ITGAM: variants seen among roughly 807,000 people sequenced by gnomAD.
ITGAM encodes integrin subunit alpha M.
Under a neutral mutation model 137.5 loss-of-function variants are expected in ITGAM, and 79 were observed. The ratio of observed to expected loss-of-function variants is 0.57; its 90% confidence interval spans 0.48 to 0.69. ITGAM has a LOEUF of 0.69. ITGAM is among the 30% of genes least tolerant of loss of function. The pLI is 0.00. For synonymous variants in ITGAM, 583 were observed against 592.3 expected (o/e 0.98, Z 0.23); for missense variants, 1,343 against 1,483.5 (o/e 0.91, Z 1.56).
Position 31,331,896 on chromosome 16 carries a change from T to G in ITGAM, c.*189T>G, listed in dbSNP as rs201337283. 1 of 162,768 alleles carries G rather than the reference T, an allele frequency of 6.1e-6. No individual in the cohort carries two copies. Among genetic ancestry groups the G allele is most frequent in the Non-Finnish European group, 1.3e-5 (1 of 76,314 alleles). The allele number at this position is 162,768 out of a possible 1,614,324, so 10.1% of individuals were successfully genotyped here. ...GTGTCTGTGTGCAAGTGTGTGCACA[T>G]GTGTGCGTGTGCGTGCATGTGCACT... On this transcript the variant is annotated 3_prime_UTR_variant, in exon 30 of 30. Transcript: ENST00000544665.
intron 12 of ITGAM, among the ~76,000 whole-genome samples, chr16:31,294,384 C>G (rs749470325): frequency 3.0e-4 from 45 of 152,094 alleles, no homozygotes; most frequent in Non-Finnish European, 5.3e-4. Flanking sequence ...GTAGATGGCT[C>G]TTATTATTTT....
In ITGAM at chr16:31,331,790, G is replaced by C; in HGVS notation, c.*83G>C. On this transcript the variant is annotated 3_prime_UTR_variant, in exon 30 of 30. Transcript: ENST00000544665. ...ACGTAGCCCCCAGGCTGCTGGACAC[G>C]TCGGACAGCGAAGTATCCCCGACAG... The C allele has an allele frequency of 9.2e-7, 1 of 1,091,898 alleles. No homozygotes were observed. The highest frequency in any genetic ancestry group is 1.3e-6 in the Non-Finnish European group (1 of 759,684). The allele number at this position is 1,091,898 out of a possible 1,614,324, so 67.6% of individuals were successfully genotyped here. A position where few individuals can be genotyped will look rare whatever the true frequency, so the allele number is the denominator to read the frequency against.
chr16:31,271,768 A>T (rs2079842636), intron 6 of ITGAM, 79 bp from the exon 7 acceptor site: 6 of 1,554,282 alleles, frequency 3.9e-6, no homozygotes, highest in Non-Finnish European at 2.6e-6. Context: ...AGTGTTTAAG[A>T]TCTTCGTGGA....
intron 2 of ITGAM, among the ~76,000 whole-genome samples, chr16:31,264,939 C>T (rs2079746839): frequency 6.6e-6 from 1 of 152,164 alleles, no homozygotes; most frequent in South Asian, 2.1e-4. Flanking sequence ...GCTATCTCGG[C>T]TCACTGCAAC....
At chr16:31,275,823 T>C in intron 9 of ITGAM, 124 bp downstream of exon 9, 1 of 830,080 alleles carries the variant, frequency 1.2e-6, no homozygotes, top group Non-Finnish European at 1.9e-6. Context: ...TCTCTCCACT[T>C]CCTACAGCTC....
chr16:31,327,090 T>G, intron 22 of ITGAM, 155 bp downstream of exon 22: 1 of 699,550 alleles, frequency 1.4e-6, no homozygotes, highest in East Asian at 2.5e-5. Context: ...GTGCTGGGCC[T>G]TGTGCTGAGT....
rs758506992 is a variant in ITGAM, at chr16:31,324,102, AAAGG to A, written c.2003-285_2003-282del. ...AAGTAGGAAAGGAAGGAAAGGAAGA[AAAGG>A]AAGGAAGGAAGAAGGGAAGGAAGGA... On this transcript the variant is annotated intron_variant, in intron 16 of 29. Transcript: ENST00000544665. The surrounding 1 kb of genome is among the most constrained non-coding windows in gnomAD (Gnocchi z 4.5). 1.7e-4 allele frequency among the ~76,000 whole-genome samples: 25 copies of A among 151,224 alleles called. No individual in the cohort carries two copies. The highest frequency in any genetic ancestry group is 2.8e-4 in the Non-Finnish European group (19 of 67,654).
chr16:31,319,899 G>A lies in ITGAM; in HGVS notation c.1708-1342G>A, dbSNP rs1262973436. On this transcript the variant is annotated intron_variant, in intron 14 of 29. Coordinates refer to ENST00000544665, the MANE Select transcript of ITGAM (RefSeq NM_000632.4). ...GCGATCTCGGCTCACTGCAAGCTCC[G>A]CCTCCCGGGTTCAGGCCATTCTTCT... 1.4e-4 allele frequency among the ~76,000 whole-genome samples: 21 copies of A among 151,358 alleles called. No individual in the cohort carries two copies. The South Asian group carries it at 1.9e-3, about 13-fold the overall frequency.
Position 31,329,288 on chromosome 16 carries a change from G to T in ITGAM, c.2853G>T (p.Met951Ile), listed in dbSNP as rs61758333. ...CCTCAGAGAATACCAGTCGGGTCAT[G>T]CAGCATCAATATCAGGTGGGCAGCT... ...FTASENTSRVMQHQYQVSNLG... is the reference protein window; with the variant it reads ...FTASENTSRVIQHQYQVSNLG... Residue 951 changes from methionine (M) to isoleucine (I), a missense_variant, in exon 24 of 30, where the codon ATG becomes ATT. Coordinates refer to ENST00000544665, the MANE Select transcript of ITGAM (RefSeq NM_000632.4). 8.6e-4 allele frequency: 1,391 copies of T among 1,612,008 alleles called. 3 individuals are homozygous for T. Among genetic ancestry groups the T allele is most frequent in the Middle Eastern group, 1.3e-3 (8 of 6,058 alleles).
chr16:31,275,501 A>T lies in ITGAM; in HGVS notation c.859-48A>T, dbSNP rs183460835. 93 of 1,586,514 alleles carry T rather than the reference A, an allele frequency of 5.9e-5. No individual in the cohort carries two copies. The East Asian group carries it at 1.9e-3, about 32-fold the overall frequency. ...CCTGCAGAATTGTCTTTGCCAGATG[A>T]TATTGCTAGCCTCACACCATGATTT... is the stretch of plus-strand genomic sequence containing the variant. On this transcript the variant is annotated intron_variant, in intron 8 of 29. Coordinates refer to ENST00000544665, the MANE Select transcript of ITGAM (RefSeq NM_000632.4).
intron 2 of ITGAM, among the ~76,000 whole-genome samples, chr16:31,264,834 C>A (rs953501908): frequency 4.6e-5 from 7 of 152,154 alleles, no homozygotes; most frequent in African/African-American, 1.4e-4. Flanking sequence ...AGCCATGGTG[C>A]CCAGCTTGAA....
chr16:31,324,762 CAGAG>C lies in ITGAM; in HGVS notation c.2271_2274del (p.Gln757HisfsTer30). 6.4e-7 allele frequency: 1 copy of C among 1,572,060 alleles called. No homozygotes were observed. Among genetic ancestry groups the C allele is most frequent in the Non-Finnish European group, 8.6e-7 (1 of 1,161,508 alleles). ...CCGGCCAGTGCTGGCGGAGGATGCT[CAGAG>C]ACTCTTCACAGCCTTGGTGAGTCCA... On this transcript the variant is annotated frameshift_variant, in exon 18 of 30. Coordinates refer to ENST00000544665, the MANE Select transcript of ITGAM (RefSeq NM_000632.4). LOFTEE classifies it high-confidence loss of function. This position sits in a 1 kb window ranked among gnomAD's most constrained non-coding sequence, Gnocchi z 4.5.
At chr16:31,263,026 C>T (rs1390777323) in intron 2 of ITGAM, among the ~76,000 whole-genome samples, 1 of 152,340 alleles carries the variant, frequency 6.6e-6, no homozygotes, top group East Asian at 1.9e-4. Flanking sequence ...ACTGCGACTT[C>T]TGCCTCCTGG....
In ITGAM at chr16:31,273,462, T is replaced by A. The variant is rs376840611; in HGVS notation, c.802T>A (p.Tyr268Asn). The change falls in exon 8 of 30, where the codon TAT (tyrosine) becomes AAT (asparagine). Residue 268 changes from tyrosine (Y) to asparagine (N), a missense_variant. Physicochemically the swap from Tyr to Asn is moderately radical, Grantham distance 143 (BLOSUM62 -2). Coordinates refer to ENST00000544665, the MANE Select transcript of ITGAM (RefSeq NM_000632.4). ...DGEKFGDPLG[Y>N]EDVIPEADRE... is the part of the protein sequence containing the mutation. Reference sequence around the variant, plus strand: ...AGAAAAGTTTGGCGATCCCTTGGGATATGAGGATGTCATCCCTGAGGCAGA... The same window carrying A: ...AGAAAAGTTTGGCGATCCCTTGGGAAATGAGGATGTCATCCCTGAGGCAGA... 1.3e-5 allele frequency: 21 copies of A among 1,613,858 alleles called. No homozygotes were observed. Among genetic ancestry groups the A allele is most frequent in the Non-Finnish European group, 1.6e-5 (19 of 1,179,812 alleles).
At chr16:31,263,754 G>A (rs1314155769) in intron 2 of ITGAM, among the ~76,000 whole-genome samples, 1 of 148,444 alleles carries the variant, frequency 6.7e-6, no homozygotes, top group African/African-American at 2.5e-5. Context: ...TCTCCCTTGT[G>A]TATTATTTTT....
In ITGAM at chr16:31,321,323, G is replaced by T. The variant is rs199700282; in HGVS notation, c.1790G>T (p.Gly597Val). 6.2e-7 allele frequency: 1 copy of T among 1,614,024 alleles called. No homozygotes were observed. Among genetic ancestry groups the T allele is most frequent in the Non-Finnish European group, 8.5e-7 (1 of 1,179,886 alleles). ...GGGGGCCAGGACCTCACAATGGATG[G>T]ACTGGTAGACCTGACTGTAGGAGCC... Reference protein sequence around the residue: ...LSGGQDLTMDGLVDLTVGAQG... With the variant: ...LSGGQDLTMDVLVDLTVGAQG... Residue 597 changes from glycine (G) to valine (V), a missense_variant, in exon 15 of 30, where the codon GGA becomes GTA. Coordinates refer to ENST00000544665, the MANE Select transcript of ITGAM (RefSeq NM_000632.4).
At chr16:31,328,958 G>C (rs150723422) in intron 23 of ITGAM, 1 of 552,862 alleles carries the variant, frequency 1.8e-6, no homozygotes, top group Non-Finnish European at 3.3e-6. Context: ...GTATTTGTGC[G>C]TGTGTGTGTC....
In ITGAM at chr16:31,329,844, TGGTGCCCGTCC is replaced by T. The variant is rs891639820; in HGVS notation, c.2918_2928del (p.Val973AlafsTer37). 6.4e-7 allele frequency: 1 copy of T among 1,564,328 alleles called. No individual in the cohort carries two copies. Among genetic ancestry groups the T allele is most frequent in the Non-Finnish European group, 8.7e-7 (1 of 1,154,376 alleles). The stretch of plus-strand genomic sequence containing the variant: ...AGCCTCCCCATCAGCCTGGTGTTCT[TGGTGCCCGTCC>T]GGCTGAACCAGACTGTCATATGGGA... On this transcript the variant is annotated frameshift_variant, in exon 25 of 30. Coordinates refer to ENST00000544665, the MANE Select transcript of ITGAM (RefSeq NM_000632.4). LOFTEE classifies it high-confidence loss of function.
rs577882422 is a variant in ITGAM, at chr16:31,322,719, A to G, written c.2002+1092A>G. Among the ~76,000 whole-genome samples, 189 of 152,338 alleles carry G rather than the reference A, an allele frequency of 1.2e-3. 1 individual carries two copies. The highest frequency in any genetic ancestry group is 7.5e-3 in the Admixed American group (115 of 15,298). ...GGATAGGAATTTTTAAAAGGTAACT[A>G]TAATTAATATCTTCAAGAAAAAAGG... On this transcript the variant is annotated intron_variant, in intron 16 of 29. Coordinates refer to ENST00000544665, the MANE Select transcript of ITGAM (RefSeq NM_000632.4).
Sources: allele counts gnomAD v4.1 joint callset (sites outside exome capture counted in the v4.1 genomes callset), GRCh38; gene constraint gnomAD v4.1.1; non-coding constraint Gnocchi (gnomAD v3.1); transcripts MANE v1.5; gene names NCBI Gene and HGNC (gene_info 2026-07-23, HGNC 2026-07-21).